Variants in PIEZO2 observed in about 807,000 individuals in gnomAD.
PIEZO2 encodes piezo-type mechanosensitive ion channel component 2.
In PIEZO2, 172 loss-of-function variants were observed where a neutral mutation model predicts 337.3. The observed-to-expected ratio is 0.51, with a 90% CI of 0.45 to 0.58. The LOEUF (loss-of-function observed/expected upper bound fraction) is 0.58. Among genes scored for constraint, PIEZO2 ranks in the 20% least tolerant of loss-of-function variants. PIEZO2 has a pLI of 0.00. For missense variants in PIEZO2, 3,028 were observed against 3,391.3 expected (o/e 0.89, Z 2.66); for synonymous variants, 1,251 against 1,228.5 (o/e 1.02, Z -0.38).
intron 4 of PIEZO2, among the ~76,000 whole-genome samples, chr18:10,900,881 G>A (rs1015561614): frequency 6.6e-6 from 1 of 152,152 alleles, no homozygotes; most frequent in African/African-American, 2.4e-5. Context: ...GCCCCAGTCA[G>A]CCACTAGCAA....
At chr18:10,718,978 A>AAAAT (rs372748367) in intron 36 of PIEZO2, among the ~76,000 whole-genome samples, 9,225 of 142,942 alleles carry the variant, frequency 0.065, 337 homozygotes, top group East Asian at 0.082. Flanking sequence ...GACCTTGTCT[A>AAAAT]AAATAAATAA....
intron 4 of PIEZO2, among the ~76,000 whole-genome samples, chr18:10,886,853 G>A (rs1013194770): frequency 6.6e-6 from 1 of 151,992 alleles, no homozygotes; most frequent in East Asian, 1.9e-4. Flanking sequence ...AGGAATACCT[G>A]AGATTTAATA....
At chr18:10,948,969 A>C (rs2145300700) in intron 3 of PIEZO2, among the ~76,000 whole-genome samples, 1 of 152,286 alleles carries the variant, frequency 6.6e-6, no homozygotes, top group South Asian at 2.1e-4. Context: ...GCTTTTATGA[A>C]AGCATGTTTT....
chr18:11,091,103 A>G (rs747312517), intron 1 of PIEZO2, among the ~76,000 whole-genome samples: 5 of 152,062 alleles, frequency 3.3e-5, no homozygotes, highest in African/African-American at 1.2e-4. Flanking sequence ...AGAAATATTC[A>G]GGCCCGGCGC....
chr18:10,897,346 C>T (rs2042928926), intron 4 of PIEZO2, among the ~76,000 whole-genome samples: 1 of 152,148 alleles, frequency 6.6e-6, no homozygotes. Flanking sequence ...AACACCATAC[C>T]TGGCTAATTT....
intron 3 of PIEZO2, among the ~76,000 whole-genome samples, chr18:10,937,057 C>T (rs760257426): frequency 1.3e-5 from 2 of 152,128 alleles, no homozygotes; most frequent in Non-Finnish European, 2.9e-5. Flanking sequence ...ACAGACTATC[C>T]AGCTTACTGT....
intron 2 of PIEZO2, among the ~76,000 whole-genome samples, chr18:11,053,344 T>C (rs1414939201): frequency 2.0e-5 from 3 of 152,214 alleles, no homozygotes; most frequent in African/African-American, 4.8e-5. Flanking sequence ...AGTAAGATCC[T>C]ATAGTAAAGA....
Position 10,705,317 on chromosome 18 carries a change from C to A in PIEZO2, c.5999+19G>T. 1 of 1,516,404 alleles carries A rather than the reference C, an allele frequency of 6.6e-7. No homozygotes were observed. The highest frequency in any genetic ancestry group is 1.2e-5 in the South Asian group (1 of 80,004). The allele number at this position is 1,516,404 out of a possible 1,614,324, so 93.9% of individuals were successfully genotyped here. ...GGTGATTTGGGGATATGTGTCTGAT[C>A]TGTTCACTGGACCCTTACTTTTTCA... On this transcript the variant is annotated intron_variant, in intron 41 of 55. Transcript: ENST00000674853.
chr18:10,765,348 C>T (rs1370641236), intron 21 of PIEZO2, among the ~76,000 whole-genome samples: 1 of 152,146 alleles, frequency 6.6e-6, no homozygotes, highest in Non-Finnish European at 1.5e-5. Flanking sequence ...ACTTTAAAAC[C>T]CATCCAGCGT....
In PIEZO2 at chr18:10,807,356, A is replaced by G. The variant is rs889892500; in HGVS notation, c.918-82T>C. 2.3e-6 allele frequency: 3 copies of G among 1,310,156 alleles called. No individual in the cohort carries two copies. In the African/African-American group the frequency reaches 4.4e-5, roughly 19 times the overall value. 81.2% of individuals were successfully genotyped at this position (1,310,156 alleles called of 1,614,324 possible). On this transcript the variant is annotated intron_variant, in intron 7 of 55. Coordinates refer to ENST00000674853, the MANE Select transcript of PIEZO2 (RefSeq NM_001378183.1). ...ATTGAATAAAAGTACTTTGTTTTTG[A>G]TACATTCGTGAGCTATTCCTAGGTT...
chr18:11,010,066 G>A (rs2035843873), intron 2 of PIEZO2, among the ~76,000 whole-genome samples: 2 of 152,136 alleles, frequency 1.3e-5, no homozygotes, highest in Admixed American at 6.5e-5. Flanking sequence ...AAGAAAAGCA[G>A]AACTGTGAAG....
intron 2 of PIEZO2, among the ~76,000 whole-genome samples, chr18:11,039,748 G>GCACACACACA (rs72175382): frequency 2.1e-4 from 29 of 140,572 alleles, no homozygotes; most frequent in South Asian, 6.7e-4. Context: ...TTTTAAATAG[G>GCACACACACA]CACACACACA....
In PIEZO2 at chr18:11,127,834, T is replaced by C. The variant is rs192518557; in HGVS notation, c.64+20691A>G. ...GTGTGTGTGTGTGTGTGTATCCTAT[T>C]AGTTCTCTTCCTCTAAGAGAACCCT... On this transcript the variant is annotated intron_variant, in intron 1 of 55. Coordinates refer to ENST00000674853, the MANE Select transcript of PIEZO2 (RefSeq NM_001378183.1). This position sits in a 1 kb window ranked among gnomAD's most constrained non-coding sequence, Gnocchi z 4.5. Among the ~76,000 whole-genome samples the C allele has an allele frequency of 6.6e-6, 1 of 151,674 alleles. No homozygotes were observed. The highest frequency in any genetic ancestry group is 1.5e-5 in the Non-Finnish European group (1 of 67,906).
chr18:11,134,038 A>G (rs904680938), intron 1 of PIEZO2, among the ~76,000 whole-genome samples: 2 of 152,144 alleles, frequency 1.3e-5, no homozygotes, highest in Non-Finnish European at 2.9e-5. Flanking sequence ...TTTAAGTGCA[A>G]CGAGAAAGTG....
chr18:10,849,089 C>T (rs2041456061), intron 7 of PIEZO2, among the ~76,000 whole-genome samples: 1 of 152,212 alleles, frequency 6.6e-6, no homozygotes, highest in East Asian at 1.9e-4. Context: ...TCACTGCAAC[C>T]TCTGCAATCT....
chr18:11,023,663 T>G (rs889049333), intron 2 of PIEZO2, among the ~76,000 whole-genome samples: 3 of 152,168 alleles, frequency 2.0e-5, no homozygotes, highest in Non-Finnish European at 4.4e-5. Flanking sequence ...TCCTCAGCCC[T>G]TGGGTGGTCC....
rs1003431976 is a variant in PIEZO2, at chr18:10,673,816, A to T, written c.8162-943T>A. On this transcript the variant is annotated intron_variant, in intron 54 of 55. Coordinates refer to ENST00000674853, the MANE Select transcript of PIEZO2 (RefSeq NM_001378183.1). The surrounding 1 kb of genome is among the most constrained non-coding windows in gnomAD (Gnocchi z 4.8). ...CTAAATTCCTAGATCACAGGTGTCCAATCTTTTGGGTTCGCTGGGCCACAT... is the reference window on the plus strand; with the variant it reads ...CTAAATTCCTAGATCACAGGTGTCCTATCTTTTGGGTTCGCTGGGCCACAT... Among the ~76,000 whole-genome samples, 1 of 152,212 alleles carries T rather than the reference A, an allele frequency of 6.6e-6. No individual in the cohort carries two copies. Among genetic ancestry groups the T allele is most frequent in the African/African-American group, 2.4e-5 (1 of 41,456 alleles).
intron 7 of PIEZO2, among the ~76,000 whole-genome samples, chr18:10,825,990 T>C (rs2040665407): frequency 6.6e-6 from 1 of 152,212 alleles, no homozygotes; most frequent in Non-Finnish European, 1.5e-5. Context: ...CATTCAATCA[T>C]TTACTTATAT....
intron 3 of PIEZO2, among the ~76,000 whole-genome samples, chr18:10,963,588 C>T (rs1412034803): frequency 1.3e-5 from 2 of 152,166 alleles, no homozygotes; most frequent in Non-Finnish European, 2.9e-5. Context: ...AAATAGATGG[C>T]AGTACTTTTC....
Sources: gnomAD v4.1 joint callset for allele counts (sites outside exome capture counted in the v4.1 genomes callset) on GRCh38, gnomAD v4.1.1 for gene constraint, Gnocchi (gnomAD v3.1) non-coding constraint, MANE v1.5 for transcripts, NCBI Gene and HGNC (gene_info 2026-07-23, HGNC 2026-07-21) for gene names.